Variants in CCND1 observed in about 807,000 individuals in gnomAD.
CCND1 encodes the protein cyclin D1.
Under a neutral mutation model 26.1 loss-of-function variants are expected in CCND1, and 9 were observed. The ratio of observed to expected loss-of-function variants is 0.35; its 90% CI spans 0.21 to 0.60. The LOEUF (loss-of-function observed/expected upper bound fraction) is 0.60. CCND1 is among the 20% of genes least tolerant of loss of function. The pLI is 0.79. For synonymous variants in CCND1, 194 were observed against 166.1 expected (o/e 1.17, Z -1.29); for missense variants, 335 against 392.9 (o/e 0.85, Z 1.25).
At chr11:69,651,038 G>A (rs1453886951) in intron 4 of CCND1, 80 bp from the exon 5 acceptor site, 4 of 1,387,458 alleles carry the variant, frequency 2.9e-6, no homozygotes, top group African/African-American at 1.5e-5. Flanking sequence ...TCCGGGTCAT[G>A]GCACCTGGGA....
Position 69,654,116 on chromosome 11 carries a change from G to GCCCCCCCCCCCCCC in CCND1, c.*2837_*2838insCCCCCCCCCCCCCC. The stretch of plus-strand genomic sequence containing the variant: ...TGCTCGGAGGCCATCTCGGGCACAG[G>GCCCCCCCCCCCCCC]CCCACCCCGCCCCACCCCTCCAGAA... On this transcript the variant is annotated 3_prime_UTR_variant, in exon 5 of 5. Coordinates refer to ENST00000227507, the MANE Select transcript of CCND1 (RefSeq NM_053056.3). This position sits in a 1 kb window ranked among gnomAD's most constrained non-coding sequence, Gnocchi z 6.3. The GCCCCCCCCCCCCCC allele has an allele frequency of 1.5e-6, 1 of 651,648 alleles. No individual in the cohort carries two copies. The highest frequency in any genetic ancestry group is 2.8e-6 in the Non-Finnish European group (1 of 356,926). 40.4% of individuals were successfully genotyped at this position (651,648 alleles called of 1,614,324 possible). A position where few individuals can be genotyped will look rare whatever the true frequency, so the allele number is the denominator to read the frequency against.
At chr11:69,644,694 G>C (rs773654968) in intron 3 of CCND1, among the ~76,000 whole-genome samples, 1 of 152,230 alleles carries the variant, frequency 6.6e-6, no homozygotes, top group Non-Finnish European at 1.5e-5. Context: ...CTTGGCCCCA[G>C]AACCCAGTGG....
intron 3 of CCND1, 60 bp from the exon 4 acceptor site, chr11:69,647,934 A>T (rs777429762): frequency 2.0e-4 from 319 of 1,588,402 alleles, no homozygotes; most frequent in Non-Finnish European, 2.6e-4. Flanking sequence ...TGCCCGGATC[A>T]CGGGGGCCCT....
chr11:69,645,752 G>A (rs1318265399), intron 3 of CCND1, among the ~76,000 whole-genome samples: 1 of 152,186 alleles, frequency 6.6e-6, no homozygotes, highest in Non-Finnish European at 1.5e-5. Context: ...GTCTAGGAAG[G>A]TGTTTTTGCC....
Position 69,654,073 on chromosome 11 carries a change from C to T in CCND1, c.*2791C>T, listed in dbSNP as rs1855893334. 2 of 619,702 alleles carry T rather than the reference C, an allele frequency of 3.2e-6. No homozygotes were observed. The highest frequency in any genetic ancestry group is 5.8e-6 in the Non-Finnish European group (2 of 345,208). The allele number at this position is 619,702 out of a possible 1,614,324, so 38.4% of individuals were successfully genotyped here. A position where few individuals can be genotyped will look rare whatever the true frequency, so the allele number is the denominator to read the frequency against. On this transcript the variant is annotated 3_prime_UTR_variant, in exon 5 of 5. Transcript: ENST00000227507. This position sits in a 1 kb window ranked among gnomAD's most constrained non-coding sequence, Gnocchi z 6.3. Reference sequence around the variant, plus strand: ...CGGGCCCACGTGGTTGGGGCCCTGCCCTGGCAGGGTCATCCTGTGCTCGGA... The same window carrying T: ...CGGGCCCACGTGGTTGGGGCCCTGCTCTGGCAGGGTCATCCTGTGCTCGGA...
Position 69,653,393 on chromosome 11 carries a change from A to T in CCND1, c.*2111A>T, listed in dbSNP as rs1182490400. 6.0e-6 allele frequency: 4 copies of T among 661,536 alleles called. No homozygotes were observed. Among genetic ancestry groups the T allele is most frequent in the African/African-American group, 1.9e-5 (1 of 53,696 alleles). The allele number at this position is 661,536 out of a possible 1,614,324, so 41.0% of individuals were successfully genotyped here. On this transcript the variant is annotated 3_prime_UTR_variant, in exon 5 of 5. Coordinates refer to ENST00000227507, the MANE Select transcript of CCND1 (RefSeq NM_053056.3). The stretch of plus-strand genomic sequence containing the variant: ...ACTAGTTTTAGTTTTCTCTTAGAAC[A>T]TTGTATTACAGATGCCTTTTTTGTA...
chr11:69,650,917 G>A (rs1855845750), intron 4 of CCND1, among the ~76,000 whole-genome samples: 1 of 152,162 alleles, frequency 6.6e-6, no homozygotes, highest in Admixed American at 6.5e-5. Context: ...GGAGGCATTT[G>A]GTCCTGAGTG....
chr11:69,654,412 T>C lies in CCND1; in HGVS notation c.*3130T>C, dbSNP rs1210996435. On this transcript the variant is annotated 3_prime_UTR_variant, in exon 5 of 5. Transcript: ENST00000227507. The surrounding 1 kb of genome is among the most constrained non-coding windows in gnomAD (Gnocchi z 6.3). ...TCCCAGCACCAACATGTAACCGGCA[T>C]GTTTCCAGCAGAAGACAAAAAGACA... The C allele has an allele frequency of 4.3e-6, 3 of 693,134 alleles. No homozygotes were observed. The African/African-American group carries it at 5.3e-5, about 12-fold the overall frequency. The allele number at this position is 693,134 out of a possible 1,614,324, so 42.9% of individuals were successfully genotyped here.
At position 69,649,477 on chromosome 11, in the gene CCND1, C is replaced by T. The variant is rs374383702; in HGVS notation, c.723+1335C>T. Among the ~76,000 whole-genome samples the T allele has an allele frequency of 3.9e-5, 6 of 152,328 alleles. No homozygotes were observed. In the East Asian group the frequency reaches 7.7e-4, roughly 20 times the overall value. Reference sequence around the variant, plus strand: ...CTCTGCCTGATCAGCTAGTGACCAACGTAGCTGAGCCCAGACTCAGAAAAA... The same window carrying T: ...CTCTGCCTGATCAGCTAGTGACCAATGTAGCTGAGCCCAGACTCAGAAAAA... On this transcript the variant is annotated intron_variant, in intron 4 of 4. Coordinates refer to ENST00000227507, the MANE Select transcript of CCND1 (RefSeq NM_053056.3).
In CCND1 at chr11:69,641,272, G is replaced by A. The variant is rs2120079176; in HGVS notation, c.-42G>A. The A allele has an allele frequency of 6.3e-7, 1 of 1,582,526 alleles. No individual in the cohort carries two copies. Among genetic ancestry groups the A allele is most frequent in the Non-Finnish European group, 8.6e-7 (1 of 1,160,846 alleles). On this transcript the variant is annotated 5_prime_UTR_variant, in exon 1 of 5. Transcript: ENST00000227507. ...CGAGAGCCGAGCGCGGACCCAGCCA[G>A]GACCCACAGCCCTCCCCAGCTGCCC... is the stretch of plus-strand genomic sequence containing the variant.
chr11:69,649,330 C>T (rs1855826246), intron 4 of CCND1, among the ~76,000 whole-genome samples: 1 of 152,326 alleles, frequency 6.6e-6, no homozygotes, highest in Admixed American at 6.5e-5. Flanking sequence ...TTGCTGTCTT[C>T]GGGCAGTTGT....
At position 69,641,503 on chromosome 11, in the gene CCND1, A is replaced by C. The variant is rs1299820976; in HGVS notation, c.190A>C (p.Met64Leu). Residue 64 changes from methionine to leucine, a missense_variant, in exon 1 of 5, where the codon ATG becomes CTG. Coordinates refer to ENST00000227507, the MANE Select transcript of CCND1 (RefSeq NM_053056.3). ...CATGCGGAAGATCGTCGCCACCTGGATGCTGGAGGTGCGGGGCTTCGGGCG... is the reference window on the plus strand; with the variant it reads ...CATGCGGAAGATCGTCGCCACCTGGCTGCTGGAGGTGCGGGGCTTCGGGCG... ...PSMRKIVATW[M>L]LEVCEEQKCE... 4 of 1,612,946 alleles carry C rather than the reference A, an allele frequency of 2.5e-6. No individual in the cohort carries two copies. The highest frequency in any genetic ancestry group is 3.4e-6 in the Non-Finnish European group (4 of 1,179,882).
In CCND1 at chr11:69,653,418, A is replaced by AG; in HGVS notation, c.*2137dup. The AG allele has an allele frequency of 1.7e-6, 1 of 600,930 alleles. No individual in the cohort carries two copies. Among genetic ancestry groups the AG allele is most frequent in the Non-Finnish European group, 2.9e-6 (1 of 341,048 alleles). 37.2% of individuals were successfully genotyped at this position (600,930 alleles called of 1,614,324 possible). ...ATTGTATTACAGATGCCTTTTTTGTAGTTTTTTTTTTTTTTATGTGATCAA... is the reference window on the plus strand; with the variant it reads ...ATTGTATTACAGATGCCTTTTTTGTAGGTTTTTTTTTTTTTTATGTGATCAA... On this transcript the variant is annotated 3_prime_UTR_variant, in exon 5 of 5. Transcript: ENST00000227507.
In CCND1 at chr11:69,654,307, G is replaced by A. The variant is rs1457348485; in HGVS notation, c.*3025G>A. 1.4e-6 allele frequency: 1 copy of A among 702,612 alleles called. No homozygotes were observed. The highest frequency in any genetic ancestry group is 2.7e-5 in the East Asian group (1 of 37,280). 43.5% of individuals were successfully genotyped at this position (702,612 alleles called of 1,614,324 possible). ...TGGCAAGTGCACGGGGCACAGCGGA[G>A]TCTGTCCTGTGACGCGCAAGTCTGA... On this transcript the variant is annotated 3_prime_UTR_variant, in exon 5 of 5. Transcript: ENST00000227507. This position sits in a 1 kb window ranked among gnomAD's most constrained non-coding sequence, Gnocchi z 6.3.
chr11:69,642,476 C>T (rs1855719844), intron 1 of CCND1, among the ~76,000 whole-genome samples: 1 of 152,214 alleles, frequency 6.6e-6, no homozygotes, highest in African/African-American at 2.4e-5. Context: ...CCCCCGGAGC[C>T]TGTAACGAAC....
intron 3 of CCND1, among the ~76,000 whole-genome samples, chr11:69,644,752 C>T (rs1206641748): frequency 6.6e-6 from 1 of 152,218 alleles, no homozygotes; most frequent in Non-Finnish European, 1.5e-5. Context: ...TGTCCCCAGC[C>T]CTGCCTCTGA....
In CCND1 at chr11:69,652,685, A is replaced by G; in HGVS notation, c.*1403A>G. On this transcript the variant is annotated 3_prime_UTR_variant, in exon 5 of 5. Transcript: ENST00000227507. ...TTTTAAACACTAAAATATATAATTT[A>G]TAGTTAAGGCTAAAAAGTATATTTA... 1 of 233,306 alleles carries G rather than the reference A, an allele frequency of 4.3e-6. No individual in the cohort carries two copies. Among genetic ancestry groups the G allele is most frequent in the Non-Finnish European group, 8.5e-6 (1 of 118,096 alleles). 14.5% of individuals were successfully genotyped at this position (233,306 alleles called of 1,614,324 possible).
chr11:69,652,064 A>C lies in CCND1; in HGVS notation c.*782A>C. The C allele has an allele frequency of 4.3e-6, 1 of 233,430 alleles. No homozygotes were observed. Among genetic ancestry groups the C allele is most frequent in the East Asian group, 6.0e-5 (1 of 16,570 alleles). 14.5% of individuals were successfully genotyped at this position (233,430 alleles called of 1,614,324 possible). A position where few individuals can be genotyped will look rare whatever the true frequency, so the allele number is the denominator to read the frequency against. ...AGGTTTGTCGGGCACCAGCCAGCGT[A>C]GCAGGGTCGGGAAAGGCCACCTGTC... On this transcript the variant is annotated 3_prime_UTR_variant, in exon 5 of 5. Transcript: ENST00000227507.
At chr11:69,646,901 A>ATGAG (rs1855789800) in intron 3 of CCND1, among the ~76,000 whole-genome samples, 1 of 152,190 alleles carries the variant, frequency 6.6e-6, no homozygotes, top group African/African-American at 2.4e-5. Context: ...TGGCAGGCGG[A>ATGAG]TGAGCCCAGT....
Sources: allele counts gnomAD v4.1 joint callset (sites outside exome capture counted in the v4.1 genomes callset), GRCh38; gene constraint gnomAD v4.1.1; non-coding constraint Gnocchi (gnomAD v3.1); transcripts MANE v1.5; gene names NCBI Gene and HGNC (gene_info 2026-07-23, HGNC 2026-07-21).